TSEN15: variants seen among roughly 807,000 people sequenced by gnomAD.
The protein encoded by TSEN15 is tRNA splicing endonuclease subunit 15.
TSEN15 carries 10 observed loss-of-function variants against 20.5 expected under a neutral mutation model. The ratio of observed to expected loss-of-function variants is 0.49; its 90% CI spans 0.30 to 0.83. The LOEUF (loss-of-function observed/expected upper bound fraction) is 0.83. TSEN15 is among the 40% of genes least tolerant of loss of function. The pLI, the probability that TSEN15 is intolerant of heterozygous loss-of-function variation, is 0.06. For synonymous variants in TSEN15, 72 were observed against 80.1 expected (o/e 0.90, Z 0.54); for missense variants, 180 against 218.6 (o/e 0.82, Z 1.11).
intron 3 of TSEN15, among the ~76,000 whole-genome samples, chr1:184,085,384 C>T (rs1488465513): frequency 6.6e-6 from 1 of 152,148 alleles, no homozygotes. Flanking sequence ...ATTTTGTTCC[C>T]TTCTATATTC....
chr1:184,067,846 C>T (rs1650726753), intron 3 of TSEN15, among the ~76,000 whole-genome samples: 1 of 147,856 alleles, frequency 6.8e-6, no homozygotes, highest in African/African-American at 2.5e-5. Flanking sequence ...TTGCTTGAAC[C>T]CAGGAGGTGG....
chr1:184,065,084 C>G (rs1294128911), intron 3 of TSEN15, among the ~76,000 whole-genome samples: 1 of 152,106 alleles, frequency 6.6e-6, no homozygotes, highest in Admixed American at 6.6e-5. Flanking sequence ...TGATTTGCTC[C>G]TATACTTTCT....
rs549969703 is a variant in TSEN15, at chr1:184,062,281, GT to G, written c.353+7421del. Among the ~76,000 whole-genome samples, 4 of 152,202 alleles carry G rather than the reference GT, an allele frequency of 2.6e-5. No individual in the cohort carries two copies. In the South Asian group the frequency reaches 8.3e-4, roughly 31 times the overall value. On this transcript the variant is annotated intron_variant, in intron 3 of 4. Transcript: ENST00000645668. ...ATCCATATGGACAGTACTCTAGATT[GT>G]TTCTTTGCTAAATTGAATCTAAGGA...
chr1:184,069,473 G>A (rs1650807128), intron 3 of TSEN15, among the ~76,000 whole-genome samples: 1 of 152,094 alleles, frequency 6.6e-6, no homozygotes, highest in Admixed American at 6.6e-5. Context: ...AAAGAACTGA[G>A]CTATTAAAAT....
chr1:184,083,369 C>T (rs1651205060), intron 3 of TSEN15, among the ~76,000 whole-genome samples: 1 of 152,168 alleles, frequency 6.6e-6, no homozygotes, highest in African/African-American at 2.4e-5. Flanking sequence ...TCTGAGAAAT[C>T]AAAATAAGGA....
chr1:184,082,584 TC>T (rs1461244582), intron 3 of TSEN15, among the ~76,000 whole-genome samples: 1 of 152,064 alleles, frequency 6.6e-6, no homozygotes, highest in Non-Finnish European at 1.5e-5. Context: ...CTATTGTCTC[TC>T]CTCTGCACCA....
At chr1:184,064,477 T>C (rs1650575501) in intron 3 of TSEN15, among the ~76,000 whole-genome samples, 1 of 151,646 alleles carries the variant, frequency 6.6e-6, no homozygotes, top group African/African-American at 2.4e-5. Flanking sequence ...GTATGTGTGA[T>C]ACAAGAGATA....
Position 184,072,814 on chromosome 1 carries a change from T to C in TSEN15, c.496-13T>C, listed in dbSNP as rs371178189. 17 of 1,597,784 alleles carry C rather than the reference T, an allele frequency of 1.1e-5. No individual in the cohort carries two copies. The highest frequency in any genetic ancestry group is 1.4e-5 in the Non-Finnish European group (17 of 1,173,538). ...ATCGGAGAAAAGTCCATCCTGATCT[T>C]TTTTTTTTCCAGAATATTTCTCTTA... is the stretch of plus-strand genomic sequence containing the variant. On this transcript the variant is annotated splice_polypyrimidine_tract_variant and intron_variant, in intron 4 of 4. Coordinates refer to ENST00000645668, the MANE Select transcript of TSEN15 (RefSeq NM_052965.4).
intron 4 of TSEN15, 183 bp downstream of exon 4, chr1:184,072,481 C>A (rs759611164): frequency 8.2e-6 from 5 of 607,740 alleles, no homozygotes; most frequent in African/African-American, 2.0e-5. Flanking sequence ...GTAGCATGTT[C>A]CTAGTTATTT....
chr1:184,064,539 A>C (rs961940880), intron 3 of TSEN15, among the ~76,000 whole-genome samples: 1 of 152,018 alleles, frequency 6.6e-6, no homozygotes, highest in African/African-American at 2.4e-5. Flanking sequence ...CATAGAAAAA[A>C]TATGAAAAAA....
rs1472503376 is a variant in TSEN15, at chr1:184,072,155, A to AG, written c.354dup. ...CTAAGTATATTGTGACTTTATTTTCAGGATAAGGGAGATCTTGAAGGCATC... is the reference window on the plus strand; with the variant it reads ...CTAAGTATATTGTGACTTTATTTTCAGGGATAAGGGAGATCTTGAAGGCATC... On this transcript the variant is annotated splice_acceptor_variant, in intron 3 of 4. Transcript: ENST00000645668. LOFTEE classifies it high-confidence loss of function. The AG allele has an allele frequency of 6.2e-7, 1 of 1,611,482 alleles. No homozygotes were observed. Among genetic ancestry groups the AG allele is most frequent in the Non-Finnish European group, 8.5e-7 (1 of 1,178,838 alleles).
chr1:184,086,783 G>C (rs780166600), intron 3 of TSEN15, among the ~76,000 whole-genome samples: 1 of 152,304 alleles, frequency 6.6e-6, no homozygotes, highest in East Asian at 1.9e-4. Flanking sequence ...GCACGAGAGA[G>C]AGAAGATCCA....
Position 184,054,481 on chromosome 1 carries a change from G to A in TSEN15, c.217+46G>A, listed in dbSNP as rs548735503. 10 of 1,439,870 alleles carry A rather than the reference G, an allele frequency of 6.9e-6. No homozygotes were observed. The South Asian group carries it at 7.1e-5, about 10-fold the overall frequency. The allele number at this position is 1,439,870 out of a possible 1,614,324, so 89.2% of individuals were successfully genotyped here. ...GTTTTGTTATTGGGACTGTGGTAGA[G>A]ATTTGGGGGGTTGGATTGGGATATA... is the stretch of plus-strand genomic sequence containing the variant. On this transcript the variant is annotated intron_variant, in intron 2 of 4. Transcript: ENST00000645668.
chr1:184,092,131 T>A (rs956438643), intron 3 of TSEN15, among the ~76,000 whole-genome samples: 1 of 152,214 alleles, frequency 6.6e-6, no homozygotes, highest in African/African-American at 2.4e-5. Context: ...TGGCTATTAC[T>A]TATTGTATTC....
At chr1:184,085,342 G>A (rs979646451) in intron 3 of TSEN15, among the ~76,000 whole-genome samples, 1 of 152,202 alleles carries the variant, frequency 6.6e-6, no homozygotes, top group Non-Finnish European at 1.5e-5. Context: ...GTATAAGCAT[G>A]CCTATATTAC....
At chr1:184,070,017 A>C (rs141717187) in intron 3 of TSEN15, among the ~76,000 whole-genome samples, 1 of 152,174 alleles carries the variant, frequency 6.6e-6, no homozygotes, top group Admixed American at 6.5e-5. Context: ...TCAACTCTGA[A>C]AACAAAACCC....
chr1:184,078,146 A>G (rs935541274), downstream of TSEN15, among the ~76,000 whole-genome samples: 4 of 152,122 alleles, frequency 2.6e-5, no homozygotes, highest in Non-Finnish European at 5.9e-5. Context: ...AACCTTCAGC[A>G]ACCACCACTC....
At chr1:184,095,631 TTC>T (rs56022269) in intron 3 of TSEN15, 15,630 of 382,142 alleles carry the variant, frequency 0.041, 36 homozygotes, top group Middle Eastern at 0.045. Context: ...TCTCTCCCCC[TTC>T]TCTCTCTCTC....
At chr1:184,082,474 G>T (rs1055088071) in intron 3 of TSEN15, among the ~76,000 whole-genome samples, 1 of 152,166 alleles carries the variant, frequency 6.6e-6, no homozygotes, top group Non-Finnish European at 1.5e-5. Context: ...TGTGGAGTAT[G>T]TGGAGCTTTA....
Sources: gnomAD v4.1 joint callset for allele counts (sites outside exome capture counted in the v4.1 genomes callset) on GRCh38, gnomAD v4.1.1 for gene constraint, MANE v1.5 for transcripts, NCBI Gene and HGNC (gene_info 2026-07-23, HGNC 2026-07-21) for gene names.